Variants in MAGI2 observed in about 807,000 individuals in gnomAD.
MAGI2 encodes membrane associated guanylate kinase, WW and PDZ domain containing 2.
A neutral mutation model predicts 133.3 loss-of-function variants in MAGI2; 35 were observed. The ratio of observed to expected loss-of-function variants is 0.26; its 90% CI spans 0.20 to 0.35. MAGI2 has a LOEUF of 0.35. MAGI2 is among the 10% of genes least tolerant of loss of function. MAGI2 has a pLI of 1.00. For missense variants in MAGI2, 1,636 were observed against 1,863.4 expected (o/e 0.88, Z 2.25); for synonymous variants, 729 against 710.6 (o/e 1.03, Z -0.41).
chr7:78,390,796 G>A (rs1439883887), intron 6 of MAGI2, among the ~76,000 whole-genome samples: 1 of 152,084 alleles, frequency 6.6e-6, no homozygotes, highest in East Asian at 1.9e-4. Flanking sequence ...CACCATAGGA[G>A]TACTAAAATT....
At chr7:79,450,304 C>T (rs1459493263) in intron 1 of MAGI2, among the ~76,000 whole-genome samples, 1 of 151,912 alleles carries the variant, frequency 6.6e-6, no homozygotes, top group East Asian at 1.9e-4. Context: ...GTATTGAAAC[C>T]TAAGACACAC....
At chr7:78,078,710 A>T in intron 21 of MAGI2, 1 of 588,466 alleles carries the variant, frequency 1.7e-6, no homozygotes, top group African/African-American at 1.9e-5. Context: ...CATATTTTAA[A>T]CATTCCTTAA....
intron 6 of MAGI2, among the ~76,000 whole-genome samples, chr7:78,438,334 G>T (rs1787260249): frequency 6.6e-6 from 1 of 151,692 alleles, no homozygotes; most frequent in South Asian, 2.1e-4. Context: ...AAAAGCTTAA[G>T]ATGTGAATTC....
At chr7:78,266,561 C>T (rs1202301562) in intron 9 of MAGI2, among the ~76,000 whole-genome samples, 5 of 150,106 alleles carry the variant, frequency 3.3e-5, no homozygotes, top group African/African-American at 4.9e-5. Flanking sequence ...ATGAAATTGA[C>T]GTAGAAGAGG....
In MAGI2 at chr7:79,312,306, G is replaced by C. The variant is rs537440794; in HGVS notation, c.301+140714C>G. Reference sequence around the variant, plus strand: ...CCCACCCACTATTACTCTTTGATCTGTTTCCCTCCAATTCTTCGTCTCAGT... The same window carrying C: ...CCCACCCACTATTACTCTTTGATCTCTTTCCCTCCAATTCTTCGTCTCAGT... On this transcript the variant is annotated intron_variant, in intron 1 of 21. Transcript: ENST00000354212. Among the ~76,000 whole-genome samples the C allele has an allele frequency of 1.2e-4, 19 of 152,220 alleles. No individual in the cohort carries two copies. The East Asian group carries it at 3.5e-3, about 28-fold the overall frequency.
chr7:78,374,565 T>A (rs1024364384), intron 6 of MAGI2, among the ~76,000 whole-genome samples: 1 of 152,112 alleles, frequency 6.6e-6, no homozygotes, highest in African/African-American at 2.4e-5. Context: ...TTTAACTGGG[T>A]CCCACTTGTC....
intron 21 of MAGI2, among the ~76,000 whole-genome samples, chr7:78,054,525 TGG>T (rs1812353229): frequency 6.6e-6 from 1 of 152,010 alleles, no homozygotes; most frequent in Non-Finnish European, 1.5e-5. Flanking sequence ...CTCCTTCACA[TGG>T]GTGTGTGTAT....
At chr7:78,203,956 G>A (rs758701531) in intron 10 of MAGI2, among the ~76,000 whole-genome samples, 12 of 152,104 alleles carry the variant, frequency 7.9e-5, no homozygotes, top group Non-Finnish European at 1.6e-4. Context: ...GCCCCTCTAG[G>A]AAATCTAGTC....
At chr7:78,648,051 C>T (rs951686867) in intron 2 of MAGI2, among the ~76,000 whole-genome samples, 3 of 152,120 alleles carry the variant, frequency 2.0e-5, no homozygotes, top group Non-Finnish European at 2.9e-5. Context: ...ATGTAAATGA[C>T]AAGTTGACAT....
chr7:79,141,977 G>T (rs909172007), intron 1 of MAGI2, among the ~76,000 whole-genome samples: 11 of 152,126 alleles, frequency 7.2e-5, no homozygotes, highest in Non-Finnish European at 1.3e-4. Context: ...CTCGATGGAA[G>T]AATCCAGTGA....
At chr7:79,125,722 A>G (rs1820354063) in intron 1 of MAGI2, 3 of 525,560 alleles carry the variant, frequency 5.7e-6, no homozygotes, top group Non-Finnish European at 1.1e-5. Context: ...TCTGGCCCCT[A>G]TGATGGCCAA....
At chr7:79,413,137 C>G (rs988083015) in intron 1 of MAGI2, 1 of 152,132 alleles carries the variant, frequency 6.6e-6, no homozygotes, top group African/African-American at 2.4e-5. Flanking sequence ...ATCTTTCATG[C>G]TCATGCAAAG....
At chr7:78,432,626 A>G (rs923475304) in intron 6 of MAGI2, among the ~76,000 whole-genome samples, 8 of 152,104 alleles carry the variant, frequency 5.3e-5, no homozygotes, top group African/African-American at 1.7e-4. Context: ...CACCTCTGGT[A>G]CAACTACTGA....
At chr7:78,083,387 G>GGGGGGGAGAGA (rs1816229903) in intron 20 of MAGI2, among the ~76,000 whole-genome samples, 1 of 33,310 alleles carries the variant, frequency 3.0e-5, no homozygotes, top group African/African-American at 1.3e-4. Flanking sequence ...AGGGAGGGGG[G>GGGGGGGAGAGA]GAGAGAGAGA....
intron 1 of MAGI2, among the ~76,000 whole-genome samples, chr7:79,444,647 C>T (rs1209433301): frequency 4.0e-5 from 6 of 151,842 alleles, no homozygotes; most frequent in Non-Finnish European, 8.8e-5. Context: ...CAAACCACTG[C>T]TCAATGAAAT....
chr7:78,254,598 C>A (rs1307725821), intron 10 of MAGI2: 1 of 152,174 alleles, frequency 6.6e-6, no homozygotes. Context: ...TTGTAGAGTG[C>A]TGCTCACAAA....
chr7:78,020,358 A>G (rs1264199516), intron 21 of MAGI2, among the ~76,000 whole-genome samples: 1 of 152,148 alleles, frequency 6.6e-6, no homozygotes, highest in East Asian at 1.9e-4. Context: ...AGACCTTGGA[A>G]TCACCAGGGT....
chr7:78,123,184 T>C (rs1023196137), intron 20 of MAGI2, among the ~76,000 whole-genome samples: 3 of 152,198 alleles, frequency 2.0e-5, no homozygotes, highest in African/African-American at 7.2e-5. Context: ...GTTTTATCTA[T>C]TCAACTTTTA....
chr7:79,400,722 A>G (rs1012472026), intron 1 of MAGI2, among the ~76,000 whole-genome samples: 4 of 152,198 alleles, frequency 2.6e-5, no homozygotes, highest in Non-Finnish European at 5.9e-5. Flanking sequence ...TTTTACTAAA[A>G]TGACACATGA....
Sources: gnomAD v4.1 joint callset for allele counts (sites outside exome capture counted in the v4.1 genomes callset) on GRCh38, gnomAD v4.1.1 for gene constraint, MANE v1.5 for transcripts, NCBI Gene and HGNC (gene_info 2026-07-23, HGNC 2026-07-21) for gene names.